The following SKIC3 variants were observed in gnomAD, a reference collection of about 807,000 sequenced individuals.
The protein encoded by SKIC3 is SKI3 subunit of superkiller complex.
chr5:95,530,062 G>A, the SKIC3 span: 164 of 1,609,756 alleles, frequency 1.0e-4, no homozygotes, highest in African/African-American at 1.0e-3. Flanking sequence ...TATACTTCAC[G>A]TTACATGCCA....
chr5:95,467,066 T>C, the SKIC3 span, among the ~76,000 whole-genome samples: 4 of 152,208 alleles, frequency 2.6e-5, no homozygotes, highest in South Asian at 2.1e-4. Context: ...TATATTTGTA[T>C]TGTTATAAAC....
chr5:95,472,608 C>A, the SKIC3 span, among the ~76,000 whole-genome samples: 1 of 151,960 alleles, frequency 6.6e-6, no homozygotes, highest in African/African-American at 2.4e-5. Context: ...CTTCACAAAT[C>A]CTTCTCTAAC....
chr5:95,506,814 A>T, the SKIC3 span: 1 of 1,029,318 alleles, frequency 9.7e-7, no homozygotes, highest in African/African-American at 1.6e-5. Context: ...GTTTCTATGG[A>T]AATTATGTAT....
the SKIC3 span, among the ~76,000 whole-genome samples, chr5:95,521,885 T>C: frequency 5.8e-3 from 879 of 152,204 alleles, 5 homozygotes; most frequent in Admixed American, 0.01. Context: ...GATTTGATCT[T>C]TTTATATTCA....
the SKIC3 span, chr5:95,509,462 TC>T: frequency 2.8e-6 from 2 of 725,260 alleles, no homozygotes; most frequent in Non-Finnish European, 5.0e-6. Context: ...GCCAGGCTCC[TC>T]CCCACCTGCA....
chr5:95,513,539 T>G, the SKIC3 span: 1 of 1,602,002 alleles, frequency 6.2e-7, no homozygotes, highest in Admixed American at 1.7e-5. Flanking sequence ...TTCTCATTAA[T>G]GAATCCTCAA....
At chr5:95,466,265 T>C in the SKIC3 span, among the ~76,000 whole-genome samples, 3 of 152,224 alleles carry the variant, frequency 2.0e-5, no homozygotes, top group African/African-American at 4.8e-5. Context: ...GAGTAGAAAC[T>C]GTCACATGTA....
At chr5:95,490,399 T>TATATATATATACATTATTTAA in the SKIC3 span, among the ~76,000 whole-genome samples, 449 of 147,998 alleles carry the variant, frequency 3.0e-3, 1 homozygote, top group Middle Eastern at 0.011. Context: ...TTTTAATGAA[T>TATATATATATACATTATTTAA]ATATATATAT....
the SKIC3 span, chr5:95,509,753 T>C: frequency 1.9e-6 from 2 of 1,072,688 alleles, no homozygotes; most frequent in Non-Finnish European, 2.8e-6. Flanking sequence ...ATATTCGTTT[T>C]ATTTTTTCAG....
chr5:95,546,904 G>C, the SKIC3 span: 1 of 700,490 alleles, frequency 1.4e-6, no homozygotes, highest in Admixed American at 2.3e-5. Flanking sequence ...AGTTTATCCT[G>C]CTAACTAGAG....
chr5:95,547,775 G>C, the SKIC3 span, among the ~76,000 whole-genome samples: 1 of 152,072 alleles, frequency 6.6e-6, no homozygotes, highest in Non-Finnish European at 1.5e-5. Flanking sequence ...CCAAGTCACA[G>C]ATAAAACACT....
the SKIC3 span, among the ~76,000 whole-genome samples, chr5:95,482,875 T>C: frequency 6.6e-6 from 1 of 152,186 alleles, no homozygotes; most frequent in Non-Finnish European, 1.5e-5. Context: ...TATTTCCCTT[T>C]GACTTAGTTT....
At chr5:95,498,547 C>T in the SKIC3 span, 2 of 1,614,102 alleles carry the variant, frequency 1.2e-6, no homozygotes, top group African/African-American at 1.3e-5. Flanking sequence ...CCCTAGAGCA[C>T]ACAGGGCTTG....
At chr5:95,514,763 T>C in the SKIC3 span, 1 of 1,341,904 alleles carries the variant, frequency 7.5e-7, no homozygotes, top group African/African-American at 1.5e-5. Flanking sequence ...AGCCCTCAAA[T>C]GCTATCCGTT....
chr5:95,470,195 G>A, the SKIC3 span, among the ~76,000 whole-genome samples: 28 of 152,100 alleles, frequency 1.8e-4, no homozygotes, highest in Admixed American at 3.3e-4. Context: ...AGCCAGGATG[G>A]TCTCGATCTC....
At chr5:95,501,388 A>G in the SKIC3 span, among the ~76,000 whole-genome samples, 1 of 152,146 alleles carries the variant, frequency 6.6e-6, no homozygotes. Context: ...CTTTTTTCCC[A>G]TAATGAACTT....
At chr5:95,497,946 T>A in the SKIC3 span, among the ~76,000 whole-genome samples, 1 of 152,182 alleles carries the variant, frequency 6.6e-6, no homozygotes, top group African/African-American at 2.4e-5. Flanking sequence ...GACACTTTAC[T>A]GCTAAAAATA....
At chr5:95,515,030 T>C in the SKIC3 span, 2 of 1,096,340 alleles carry the variant, frequency 1.8e-6, no homozygotes, top group African/African-American at 1.6e-5. Context: ...CATAAATATG[T>C]ATGAACATAA....
the SKIC3 span, among the ~76,000 whole-genome samples, chr5:95,468,670 A>G: frequency 6.6e-6 from 1 of 152,238 alleles, no homozygotes; most frequent in Non-Finnish European, 1.5e-5. Flanking sequence ...ATTAGTTTGA[A>G]GCAGGAACTA....
Sources: allele counts gnomAD v4.1 joint callset (sites outside exome capture counted in the v4.1 genomes callset), GRCh38; gene constraint gnomAD v4.1.1; transcripts MANE v1.5; gene names NCBI Gene and HGNC (gene_info 2026-07-23, HGNC 2026-07-21).